Variants in RIMKLA observed in about 807,000 individuals in gnomAD.
RIMKLA encodes the protein N-acetylaspartylglutamate synthase A.
A neutral mutation model predicts 32.7 loss-of-function variants in RIMKLA; 14 were observed. The observed-to-expected ratio is 0.43, with a 90% confidence interval of 0.28 to 0.67. RIMKLA has a LOEUF of 0.67. Among genes scored for constraint, RIMKLA ranks in the 30% least tolerant of loss-of-function variants. The probability of loss-of-function intolerance (pLI) is 0.18; values close to 1 mark genes in which losing one functional copy is unlikely to be tolerated. For missense variants in RIMKLA, 410 were observed against 519.0 expected, an observed-to-expected ratio of 0.79 and a Z score of 2.04; for synonymous variants, 176 against 204.1, an observed-to-expected ratio of 0.86 and a Z score of 1.18.
intron 1 of RIMKLA, among the ~76,000 whole-genome samples, chr1:42,395,904 A>G (rs1020130630): frequency 1.3e-5 from 2 of 152,188 alleles, no homozygotes; most frequent in African/African-American, 4.8e-5. Context: ...GGCAGTGGCA[A>G]TGGGAAAGAG....
Position 42,404,589 on chromosome 1 carries a change from G to T in RIMKLA, c.473G>T (p.Gly158Val), listed in dbSNP as rs1319334527. ...GYPVVVKSTR[G>V]HRGKAVFLAR... ...CCAGTCGTGGTGAAGAGCACACGAG[G>T]CCACCGGGGTCAGTGCCACCTCTCC... The change falls in exon 3 of 5, where the codon GGC (glycine) becomes GTC (valine). Residue 158 changes from glycine (G) to valine (V), a missense_variant. Coordinates refer to ENST00000431473, the MANE Select transcript of RIMKLA (RefSeq NM_173642.4). 4.3e-6 allele frequency: 7 copies of T among 1,610,020 alleles called. No individual in the cohort carries two copies. Among genetic ancestry groups the T allele is most frequent in the Non-Finnish European group, 5.9e-6 (7 of 1,177,574 alleles).
chr1:42,384,005 T>A (rs1419067214), intron 1 of RIMKLA, among the ~76,000 whole-genome samples: 1 of 152,214 alleles, frequency 6.6e-6, no homozygotes, highest in Non-Finnish European at 1.5e-5. Flanking sequence ...CCTTCACTCC[T>A]TTCCATTGCT....
At chr1:42,395,453 C>A (rs1643035366) in intron 1 of RIMKLA, among the ~76,000 whole-genome samples, 1 of 150,736 alleles carries the variant, frequency 6.6e-6, no homozygotes, top group African/African-American at 2.4e-5. Flanking sequence ...AGAAACAATT[C>A]AGCTGCCTCT....
At chr1:42,386,790 TG>T (rs775339416) in intron 1 of RIMKLA, among the ~76,000 whole-genome samples, 96 of 146,784 alleles carry the variant, frequency 6.5e-4, no homozygotes, top group Non-Finnish European at 9.6e-4. Flanking sequence ...GAGGCTGAGG[TG>T]GGAGAATCAC....
intron 3 of RIMKLA, among the ~76,000 whole-genome samples, chr1:42,409,454 T>C (rs936686903): frequency 1.3e-5 from 2 of 152,226 alleles, no homozygotes; most frequent in Admixed American, 6.5e-5. Flanking sequence ...CCTCTGTTGA[T>C]GTTATATCAC....
intron 1 of RIMKLA, among the ~76,000 whole-genome samples, chr1:42,398,960 C>T (rs1643070860): frequency 8.0e-6 from 1 of 124,680 alleles, no homozygotes; most frequent in Non-Finnish European, 1.7e-5. Flanking sequence ...GAGTAAGACC[C>T]TGTCTTTAAA....
At position 42,416,121 on chromosome 1, in the gene RIMKLA, T is replaced by C. The variant is rs1244776143; in HGVS notation, c.*1147T>C. Reference sequence around the variant, plus strand: ...GGGCTAATGTAGACATGACACCAAGTGCTTTTCATTTTAATTCTCTAAGCA... The same window carrying C: ...GGGCTAATGTAGACATGACACCAAGCGCTTTTCATTTTAATTCTCTAAGCA... On this transcript the variant is annotated 3_prime_UTR_variant, in exon 5 of 5. Transcript: ENST00000431473. 6.9e-6 allele frequency: 1 copy of C among 144,252 alleles called. No individual in the cohort carries two copies. The highest frequency in any genetic ancestry group is 1.5e-5 in the Non-Finnish European group (1 of 66,404). The allele number at this position is 144,252 out of a possible 1,614,324, so 8.9% of individuals were successfully genotyped here. A position where few individuals can be genotyped will look rare whatever the true frequency, so the allele number is the denominator to read the frequency against.
chr1:42,416,138 C>G lies in RIMKLA; in HGVS notation c.*1164C>G, dbSNP rs557719995. ...ACACCAAGTGCTTTTCATTTTAATT[C>G]TCTAAGCAGTAGATGAGATCTTTCC... On this transcript the variant is annotated 3_prime_UTR_variant, in exon 5 of 5. Coordinates refer to ENST00000431473, the MANE Select transcript of RIMKLA (RefSeq NM_173642.4). The G allele has an allele frequency of 9.1e-5, 13 of 142,376 alleles. No individual in the cohort carries two copies. Among genetic ancestry groups the G allele is most frequent in the African/African-American group, 3.0e-4 (12 of 40,316 alleles). The allele number at this position is 142,376 out of a possible 1,614,324, so 8.8% of individuals were successfully genotyped here.
At chr1:42,391,167 A>G (rs1570317573) in intron 1 of RIMKLA, among the ~76,000 whole-genome samples, 1 of 152,164 alleles carries the variant, frequency 6.6e-6, no homozygotes, top group African/African-American at 2.4e-5. Context: ...CTGAGGTGGG[A>G]TGGTGGAGAA....
At chr1:42,386,559 T>G (rs1355024209) in intron 1 of RIMKLA, among the ~76,000 whole-genome samples, 2 of 148,076 alleles carry the variant, frequency 1.4e-5, no homozygotes, top group African/African-American at 5.0e-5. Flanking sequence ...GAAAAATTTT[T>G]TATAGAGACC....
intron 1 of RIMKLA, 62 bp from the exon 2 acceptor site, chr1:42,399,342 C>T: frequency 8.0e-7 from 1 of 1,244,956 alleles, no homozygotes; most frequent in Admixed American, 2.1e-5. Flanking sequence ...CTGTTGGAAC[C>T]ATTTCTTCTG....
rs1643267728 is a variant in RIMKLA at position 42,418,242 on chromosome 1, A to G, written c.*3268A>G. On this transcript the variant is annotated 3_prime_UTR_variant, in exon 5 of 5. Transcript: ENST00000431473. ...GAAACTGGTCAAAACTTGAATGCCA[A>G]TAGCTCAGTCACTCAGAATATACGA... 6.6e-6 allele frequency: 1 copy of G among 152,234 alleles called. No individual in the cohort carries two copies. Among genetic ancestry groups the G allele is most frequent in the African/African-American group, 2.4e-5 (1 of 41,456 alleles). 9.4% of individuals were successfully genotyped at this position (152,234 alleles called of 1,614,324 possible).
intron 1 of RIMKLA, among the ~76,000 whole-genome samples, chr1:42,383,339 A>G (rs957474950): frequency 1.3e-5 from 2 of 152,268 alleles, no homozygotes; most frequent in African/African-American, 4.8e-5. Context: ...TAGATCACCA[A>G]TTCTGCTGTC....
chr1:42,389,454 G>A (rs569429479), intron 1 of RIMKLA, among the ~76,000 whole-genome samples: 98 of 150,956 alleles, frequency 6.5e-4, no homozygotes, highest in African/African-American at 2.3e-3. Context: ...GAGAGTGGGT[G>A]TCCTGTAAGC....
chr1:42,385,535 A>C (rs1168317281), intron 1 of RIMKLA, among the ~76,000 whole-genome samples: 5 of 152,168 alleles, frequency 3.3e-5, no homozygotes, highest in Non-Finnish European at 7.4e-5. Flanking sequence ...CAGATTCTTT[A>C]AATCAAAGTG....
chr1:42,404,334 G>GCTCC (rs1466475941), intron 2 of RIMKLA, among the ~76,000 whole-genome samples, 177 bp from the exon 3 acceptor site: 3 of 152,116 alleles, frequency 2.0e-5, no homozygotes, highest in Non-Finnish European at 4.4e-5. Flanking sequence ...TTACCTCTCT[G>GCTCC]CTCCCACCTT....
chr1:42,381,200 G>A, intron 1 of RIMKLA, 103 bp downstream of exon 1: 1 of 885,170 alleles, frequency 1.1e-6, no homozygotes, highest in Non-Finnish European at 1.5e-6. Flanking sequence ...AGTCTCCTTC[G>A]GGCCCGCACA....
rs1463047825 is a variant in RIMKLA at position 42,423,189 on chromosome 1, A to C, written c.*8215A>C. 6.6e-6 allele frequency among the ~76,000 whole-genome samples: 1 copy of C among 152,194 alleles called. No individual in the cohort carries two copies. Among genetic ancestry groups the C allele is most frequent in the Non-Finnish European group, 1.5e-5 (1 of 68,018 alleles). ...GTCCAAATTGAGGTCAGAGCATCAA[A>C]GGGATAGTGCTTGATTGCTGCAGCC... On this transcript the variant is annotated 3_prime_UTR_variant, in exon 5 of 5. Transcript: ENST00000431473.
At chr1:42,384,825 A>G (rs182940362) in intron 1 of RIMKLA, among the ~76,000 whole-genome samples, 16 of 152,130 alleles carry the variant, frequency 1.1e-4, no homozygotes, top group African/African-American at 3.4e-4. Context: ...ATCAGTCTAC[A>G]CTGATTTCAC....
Sources: allele counts gnomAD v4.1 joint callset (sites outside exome capture counted in the v4.1 genomes callset), GRCh38; gene constraint gnomAD v4.1.1; transcripts MANE v1.5; gene names NCBI Gene and HGNC (gene_info 2026-07-23, HGNC 2026-07-21).